The following SPADH variants were observed in gnomAD, a reference collection of about 807,000 sequenced individuals.
The protein encoded by SPADH is spermadhesin family member, also known as CUB domain-containing protein.
At chr10:122,676,638 C>A in the SPADH span, 2 of 836,606 alleles carry the variant, frequency 2.4e-6, no homozygotes, top group Non-Finnish European at 2.9e-6. Flanking sequence ...GTTGAATTTT[C>A]TTCCCAAGGA....
At chr10:122,677,669 A>C in the SPADH span, among the ~76,000 whole-genome samples, 37 of 152,336 alleles carry the variant, frequency 2.4e-4, no homozygotes, top group Non-Finnish European at 5.1e-4. Flanking sequence ...ACAATGGTGG[A>C]TGAGACAGAT....
At chr10:122,675,642 C>G in the SPADH span, 7 of 984,234 alleles carry the variant, frequency 7.1e-6, no homozygotes, top group Non-Finnish European at 8.4e-6. Flanking sequence ...GTCTTTCAGC[C>G]ACAACTGTTA....
the SPADH span, among the ~76,000 whole-genome samples, chr10:122,673,498 G>A: frequency 6.6e-6 from 1 of 152,184 alleles, no homozygotes. Context: ...CCTGGAAGAG[G>A]GGGAGTCACT....
At chr10:122,676,325 A>T in the SPADH span, among the ~76,000 whole-genome samples, 1 of 152,298 alleles carries the variant, frequency 6.6e-6, no homozygotes, top group East Asian at 1.9e-4. Context: ...CCTCAAGGAG[A>T]TGGATTCTCA....
the SPADH span, among the ~76,000 whole-genome samples, chr10:122,673,862 C>T: frequency 1.3e-5 from 2 of 152,188 alleles, no homozygotes; most frequent in Admixed American, 6.5e-5. Flanking sequence ...CGGGTGCTCT[C>T]CTCCCCTGCC....
the SPADH span, among the ~76,000 whole-genome samples, chr10:122,674,589 C>A: frequency 1.3e-5 from 2 of 152,198 alleles, no homozygotes; most frequent in Admixed American, 6.5e-5. Flanking sequence ...CCAATATAGT[C>A]TCAGGCTCAG....
the SPADH span, chr10:122,675,767 A>C: frequency 1.8e-5 from 6 of 335,300 alleles, no homozygotes; most frequent in Admixed American, 6.5e-5. Context: ...AAGGGCACGT[A>C]CCAGGGATAA....
chr10:122,678,623 G>T, the SPADH span, among the ~76,000 whole-genome samples: 1 of 152,190 alleles, frequency 6.6e-6, no homozygotes, highest in Non-Finnish European at 1.5e-5. Context: ...GCCACCTGCT[G>T]CCCTGGTGGA....
chr10:122,675,455 G>A, the SPADH span, among the ~76,000 whole-genome samples: 1 of 152,136 alleles, frequency 6.6e-6, no homozygotes. Context: ...GTAACCCAGG[G>A]CTGTTCCCAT....
At chr10:122,676,864 T>G in the SPADH span, 1 of 985,316 alleles carries the variant, frequency 1.0e-6, no homozygotes, top group Non-Finnish European at 1.2e-6. Flanking sequence ...CCCGGGGAGA[T>G]AGTCACGGTG....
the SPADH span, among the ~76,000 whole-genome samples, chr10:122,674,253 A>G: frequency 6.6e-6 from 1 of 152,226 alleles, no homozygotes; most frequent in Non-Finnish European, 1.5e-5. Context: ...TTAGTGAAGC[A>G]AAAGTTTCCA....
chr10:122,674,727 C>T, the SPADH span, among the ~76,000 whole-genome samples: 1 of 152,198 alleles, frequency 6.6e-6, no homozygotes, highest in East Asian at 1.9e-4. Context: ...GTCTTGAAAG[C>T]GTTAGAGTGA....
the SPADH span, among the ~76,000 whole-genome samples, chr10:122,678,579 T>C: frequency 6.6e-6 from 1 of 152,122 alleles, no homozygotes; most frequent in Admixed American, 6.5e-5. Flanking sequence ...TGGGCTGGGC[T>C]CCCTGGAAGA....
At chr10:122,673,620 T>A in the SPADH span, among the ~76,000 whole-genome samples, 1 of 152,262 alleles carries the variant, frequency 6.6e-6, no homozygotes, top group South Asian at 2.1e-4. Flanking sequence ...CAGGGAGATG[T>A]CTTCGTCTCT....
At chr10:122,674,466 T>C in the SPADH span, among the ~76,000 whole-genome samples, 1 of 152,190 alleles carries the variant, frequency 6.6e-6, no homozygotes, top group Admixed American at 6.5e-5. Context: ...GACAGGCATG[T>C]TCAGGATTTG....
the SPADH span, chr10:122,678,715 G>A: frequency 5.1e-5 from 8 of 157,672 alleles, no homozygotes; most frequent in East Asian, 1.9e-4. Context: ...TCCTTCTTTC[G>A]TTCTCATCTG....
chr10:122,678,894 C>A, the SPADH span: 1 of 984,978 alleles, frequency 1.0e-6, no homozygotes, highest in Non-Finnish European at 1.2e-6. Flanking sequence ...GATGGACCTC[C>A]AGGGTCTGAG....
At chr10:122,679,028 G>A in the SPADH span, 1 of 985,256 alleles carries the variant, frequency 1.0e-6, no homozygotes, top group Non-Finnish European at 1.2e-6. Context: ...TTACTTTGTT[G>A]ACGCTTGGTC....
At chr10:122,673,609 T>C in the SPADH span, among the ~76,000 whole-genome samples, 1 of 152,202 alleles carries the variant, frequency 6.6e-6, no homozygotes, top group Non-Finnish European at 1.5e-5. Flanking sequence ...ATAGATTTCC[T>C]CAGGGAGATG....
Sources: allele counts gnomAD v4.1 joint callset (sites outside exome capture counted in the v4.1 genomes callset), GRCh38; gene constraint gnomAD v4.1.1; transcripts MANE v1.5; gene names NCBI Gene and HGNC (gene_info 2026-07-23, HGNC 2026-07-21).